NTM: variants seen among roughly 807,000 people sequenced by gnomAD.
NTM encodes neurotrimin, also known as IgLON family member 2.
Under a neutral mutation model 42.1 loss-of-function variants are expected in NTM, and 13 were observed. The observed-to-expected ratio is 0.31, with a 90% CI of 0.20 to 0.49. NTM has a LOEUF of 0.49. Ranked by LOEUF, NTM falls within the 20% of genes least tolerant of loss-of-function variation. NTM has a pLI of 0.99. For synonymous variants in NTM, 187 were observed against 179.2 expected (o/e 1.04, Z -0.35); for missense variants, 373 against 452.8 (o/e 0.82, Z 1.60).
At chr11:131,554,509 G>T (rs2055124784) in intron 1 of NTM, among the ~76,000 whole-genome samples, 2 of 147,866 alleles carry the variant, frequency 1.4e-5, no homozygotes, top group South Asian at 2.1e-4. Flanking sequence ...ATATATAAAG[G>T]TCACCTGCAA....
intron 7 of NTM, among the ~76,000 whole-genome samples, chr11:132,321,396 C>G (rs1050333565): frequency 6.6e-6 from 1 of 151,878 alleles, no homozygotes; most frequent in Admixed American, 6.6e-5. Flanking sequence ...GCCTCAGGAG[C>G]CGATGTGATC....
intron 4 of NTM, among the ~76,000 whole-genome samples, chr11:132,267,364 C>T (rs2093244807): frequency 6.6e-6 from 1 of 152,184 alleles, no homozygotes; most frequent in African/African-American, 2.4e-5. Context: ...TCTTTAGTTA[C>T]ATGACTCTCT....
intron 1 of NTM, among the ~76,000 whole-genome samples, chr11:131,393,536 C>T (rs1944251222): frequency 1.3e-5 from 2 of 152,170 alleles, no homozygotes; most frequent in East Asian, 1.9e-4. Flanking sequence ...GCAGCAACCG[C>T]CCATCCTTCC....
chr11:132,048,034 G>C (rs868322301), intron 2 of NTM, among the ~76,000 whole-genome samples: 4 of 151,652 alleles, frequency 2.6e-5, no homozygotes, highest in Non-Finnish European at 4.4e-5. Flanking sequence ...GTATGTCTGC[G>C]TGTGTACATG....
intron 1 of NTM, among the ~76,000 whole-genome samples, chr11:131,659,705 C>T (rs993897439): frequency 1.3e-5 from 2 of 152,100 alleles, no homozygotes; most frequent in African/African-American, 2.4e-5. Context: ...CCAATGTGAT[C>T]GGGATGCAAT....
At chr11:132,246,863 G>A (rs1356047583) in intron 4 of NTM, among the ~76,000 whole-genome samples, 1 of 152,182 alleles carries the variant, frequency 6.6e-6, no homozygotes, top group Non-Finnish European at 1.5e-5. Flanking sequence ...GATGCCTACA[G>A]CAGGCAAGAG....
At chr11:132,060,298 G>C (rs1311577039) in intron 2 of NTM, among the ~76,000 whole-genome samples, 1 of 152,230 alleles carries the variant, frequency 6.6e-6, no homozygotes, top group Admixed American at 6.5e-5. Flanking sequence ...AAATTGTGTA[G>C]GCAAGGGGTG....
Position 132,335,935 on chromosome 11 carries a change from G to A in NTM, c.*789G>A, listed in dbSNP as rs1051998334. ...AATGAATAGTATACTTCTTAACTAG[G>A]TTTACAACTGGTGGACCACACACCA... On this transcript the variant is annotated 3_prime_UTR_variant, in exon 9 of 9. Coordinates refer to ENST00000683400, the MANE Select transcript of NTM (RefSeq NM_001352005.2). The A allele has an allele frequency of 5.2e-5, 8 of 152,600 alleles. No individual in the cohort carries two copies. In the East Asian group the frequency reaches 1.4e-3, roughly 26 times the overall value. The allele number at this position is 152,600 out of a possible 1,614,324, so 9.5% of individuals were successfully genotyped here. A position where few individuals can be genotyped will look rare whatever the true frequency, so the allele number is the denominator to read the frequency against.
At position 132,290,258 on chromosome 11, in the gene NTM, A is replaced by AT. The variant is rs112193288; in HGVS notation, c.527-17418dup. Among the ~76,000 whole-genome samples the AT allele has an allele frequency of 5.7e-3, 836 of 146,544 alleles. 5 individuals are homozygous for AT. The highest frequency in any genetic ancestry group is 0.017 in the South Asian group (79 of 4,628). ...GTAAGACTGACTAAAAGATAGTCTG[A>AT]TTTTTTTTTTTTTATTATCACTGTA... On this transcript the variant is annotated intron_variant, in intron 4 of 8. Coordinates refer to ENST00000683400, the MANE Select transcript of NTM (RefSeq NM_001352005.2).
intron 2 of NTM, among the ~76,000 whole-genome samples, chr11:131,974,264 G>A (rs542184139): frequency 1.6e-4 from 25 of 152,280 alleles, no homozygotes; most frequent in African/African-American, 5.1e-4. Context: ...CTCCTGAGTT[G>A]TTCAAGGAAC....
intron 1 of NTM, among the ~76,000 whole-genome samples, chr11:131,458,816 G>A (rs1048323969): frequency 6.6e-6 from 1 of 152,242 alleles, no homozygotes; most frequent in Non-Finnish European, 1.5e-5. Context: ...GTCACCTGGA[G>A]GGCTTATTCA....
At chr11:131,475,553 C>T (rs1168716293) in intron 1 of NTM, among the ~76,000 whole-genome samples, 1 of 151,942 alleles carries the variant, frequency 6.6e-6, no homozygotes, top group Non-Finnish European at 1.5e-5. Context: ...TCACAGTCAA[C>T]ATCACACATC....
intron 1 of NTM, among the ~76,000 whole-genome samples, chr11:131,853,508 C>T (rs937724518): frequency 6.6e-6 from 1 of 152,160 alleles, no homozygotes; most frequent in African/African-American, 2.4e-5. Flanking sequence ...GTTTTATGTT[C>T]CTGCATTAGT....
intron 1 of NTM, among the ~76,000 whole-genome samples, chr11:131,504,284 A>G (rs1348560986): frequency 6.6e-6 from 1 of 151,686 alleles, no homozygotes; most frequent in African/African-American, 2.4e-5. Context: ...GCAAATGCAG[A>G]CCCCTTGGGC....
chr11:131,385,298 G>A (rs1035041519), intron 1 of NTM: 6 of 152,204 alleles, frequency 3.9e-5, no homozygotes, highest in Admixed American at 2.6e-4. Flanking sequence ...AAGGATGGAA[G>A]AGGCCCTCTA....
intron 2 of NTM, among the ~76,000 whole-genome samples, chr11:132,120,135 T>C (rs1393319258): frequency 6.8e-6 from 1 of 146,380 alleles, no homozygotes; most frequent in Non-Finnish European, 1.5e-5. Flanking sequence ...TTTTTTTTTT[T>C]AGTTCTTGTC....
intron 1 of NTM, among the ~76,000 whole-genome samples, chr11:131,559,634 C>T (rs1041243882): frequency 2.6e-5 from 4 of 152,212 alleles, no homozygotes; most frequent in Admixed American, 6.5e-5. Flanking sequence ...ACGCTGTAAT[C>T]AGGCCTCTCC....
chr11:132,022,743 G>A (rs2074538020), intron 2 of NTM, among the ~76,000 whole-genome samples: 1 of 152,182 alleles, frequency 6.6e-6, no homozygotes, highest in Admixed American at 6.5e-5. Flanking sequence ...CTAGATACCT[G>A]TAACTGCATG....
At chr11:132,232,088 T>C (rs2087704791) in intron 4 of NTM, among the ~76,000 whole-genome samples, 1 of 152,168 alleles carries the variant, frequency 6.6e-6, no homozygotes, top group Admixed American at 6.5e-5. Flanking sequence ...AAACTTCACG[T>C]TGCGTTGTTG....
Sources: gnomAD v4.1 joint callset for allele counts (sites outside exome capture counted in the v4.1 genomes callset) on GRCh38, gnomAD v4.1.1 for gene constraint, MANE v1.5 for transcripts, NCBI Gene and HGNC (gene_info 2026-07-23, HGNC 2026-07-21) for gene names.